The following CDKL1 variants were observed in gnomAD, a reference collection of about 807,000 sequenced individuals.
CDKL1 encodes the protein cyclin-dependent kinase-like 1.
CDKL1 carries 41 observed loss-of-function variants against 42.0 expected under a neutral mutation model. The observed-to-expected ratio is 0.98, with a 90% CI of 0.76 to 1.27. The LOEUF is 1.27. Ranked by LOEUF, CDKL1 falls within the 50% of genes most tolerant of loss-of-function variation. The pLI, the probability that CDKL1 is intolerant of heterozygous loss-of-function variation, is 0.00. For missense variants in CDKL1, 394 were observed against 428.4 expected (o/e 0.92, Z 0.71); for synonymous variants, 153 against 158.6 (o/e 0.96, Z 0.26).
At chr14:50,364,177 C>T (rs528730243) in intron 2 of CDKL1, among the ~76,000 whole-genome samples, 17 of 152,308 alleles carry the variant, frequency 1.1e-4, no homozygotes, top group South Asian at 6.2e-4. Flanking sequence ...CTTTTGAAAA[C>T]CAAAGTTCTT....
At chr14:50,362,019 A>G (rs982705172) in intron 2 of CDKL1, among the ~76,000 whole-genome samples, 3 of 152,166 alleles carry the variant, frequency 2.0e-5, no homozygotes, top group Non-Finnish European at 2.9e-5. Flanking sequence ...CCGGCACTCT[A>G]GCGGCCCCCT....
intron 2 of CDKL1, among the ~76,000 whole-genome samples, chr14:50,390,811 C>G (rs2035235775): frequency 1.3e-5 from 2 of 152,158 alleles, no homozygotes; most frequent in South Asian, 4.2e-4. Flanking sequence ...CTGTGATGCT[C>G]CAGCCCATCA....
At chr14:50,337,710 G>A (rs1291625207) in intron 7 of CDKL1, among the ~76,000 whole-genome samples, 1 of 149,222 alleles carries the variant, frequency 6.7e-6, no homozygotes, top group East Asian at 2.0e-4. Flanking sequence ...TCGGAGACAG[G>A]GTCTTACTCC....
chr14:50,338,982 A>C lies in CDKL1; in HGVS notation c.703T>G (p.Phe235Val), dbSNP rs2033409183. Residue 235 changes from phenylalanine to valine, a missense_variant, in exon 7 of 10, where the codon TTC (phenylalanine) becomes GTC (valine). Coordinates refer to ENST00000395834, the MANE Select transcript of CDKL1 (RefSeq NM_004196.7). Reference sequence around the variant, plus strand: ...GGGTCTGGAATTTTCACTCCACTGAAGTACTGATTCGTGCTAAACACTTGC... The same window carrying C: ...GGGTCTGGAATTTTCACTCCACTGACGTACTGATTCGTGCTAAACACTTGC... ...HQQVFSTNQY[F>V]SGVKIPDPED... 4 of 1,613,100 alleles carry C rather than the reference A, an allele frequency of 2.5e-6. No homozygotes were observed. The East Asian group carries it at 8.9e-5, about 36-fold the overall frequency.
chr14:50,341,344 G>T (rs180791345), intron 5 of CDKL1, 112 bp from the exon 6 acceptor site: 4 of 1,387,100 alleles, frequency 2.9e-6, no homozygotes, highest in Admixed American at 3.1e-5. Flanking sequence ...TTTCTATATC[G>T]CTGGTTCTCA....
chr14:50,350,189 A>AT (rs2033859226), intron 3 of CDKL1, among the ~76,000 whole-genome samples: 3 of 152,136 alleles, frequency 2.0e-5, no homozygotes, highest in Admixed American at 6.5e-5. Context: ...GGGATTATAG[A>AT]CATGAGCCAC....
chr14:50,332,818 C>T (rs995823258), intron 8 of CDKL1: 117 of 637,100 alleles, frequency 1.8e-4, no homozygotes, highest in Non-Finnish European at 2.8e-4. Context: ...ATGATATTTA[C>T]ACATGATAAC....
At position 50,329,062 on chromosome 14, in the gene CDKL1, TACATACAC is replaced by T. The variant is rs1410129530; in HGVS notation, c.*1004_*1011del. The T allele has an allele frequency of 3.5e-5, 5 of 143,978 alleles. No homozygotes were observed. Among genetic ancestry groups the T allele is most frequent in the East Asian group, 2.0e-4 (1 of 4,954 alleles). 8.9% of individuals were successfully genotyped at this position (143,978 alleles called of 1,614,324 possible). A position where few individuals can be genotyped will look rare whatever the true frequency, so the allele number is the denominator to read the frequency against. On this transcript the variant is annotated 3_prime_UTR_variant, in exon 10 of 10. Coordinates refer to ENST00000395834, the MANE Select transcript of CDKL1 (RefSeq NM_004196.7). ...ATATATATATATATATATATATATA[TACATACAC>T]ATACATACACATACAAACATAGTGC...
At chr14:50,381,218 C>T (rs2034897698) in intron 2 of CDKL1, among the ~76,000 whole-genome samples, 1 of 152,202 alleles carries the variant, frequency 6.6e-6, no homozygotes, top group Non-Finnish European at 1.5e-5. Flanking sequence ...CAGTTGTGTA[C>T]ATGTGTCCAG....
intron 2 of CDKL1, among the ~76,000 whole-genome samples, chr14:50,382,280 G>A (rs897724148): frequency 6.6e-6 from 1 of 151,976 alleles, no homozygotes; most frequent in Admixed American, 6.6e-5. Flanking sequence ...GTGGAACCCC[G>A]TCTCTACTAA....
chr14:50,335,377 C>A, intron 7 of CDKL1: 2 of 958,712 alleles, frequency 2.1e-6, no homozygotes, highest in Non-Finnish European at 3.1e-6. Flanking sequence ...TTTTCCCCTA[C>A]CCAGGTGAAC....
intron 3 of CDKL1, among the ~76,000 whole-genome samples, chr14:50,347,537 AAG>A (rs1007861883): frequency 7.2e-5 from 11 of 152,186 alleles, no homozygotes; most frequent in African/African-American, 2.7e-4. Flanking sequence ...ATGTGGGAGA[AAG>A]AGAAGAATCA....
chr14:50,382,737 G>A (rs991025414), intron 2 of CDKL1, among the ~76,000 whole-genome samples: 1 of 151,420 alleles, frequency 6.6e-6, no homozygotes, highest in African/African-American at 2.4e-5. Flanking sequence ...GGGACCACTG[G>A]TGCACACCAC....
At position 50,334,573 on chromosome 14, in the gene CDKL1, G is replaced by T; in HGVS notation, c.787C>A (p.Leu263Ile). 2.5e-6 allele frequency: 4 copies of T among 1,595,432 alleles called. No homozygotes were observed. The highest frequency in any genetic ancestry group is 2.2e-5 in the South Asian group (2 of 90,654). ...GAAGCCATGATTTTTACCTTTAGGA[G>T]CCCCAGGGCAGGATAAGAGATGTTT... Reference protein sequence around the residue: ...FPNISYPALGLLKGCLHMDPT... With the variant: ...FPNISYPALGILKGCLHMDPT... The change falls in exon 8 of 10, where the codon CTC becomes ATC. Residue 263 changes from leucine to isoleucine, a missense_variant. Transcript: ENST00000395834.
chr14:50,344,705 C>T (rs533619536), intron 4 of CDKL1, among the ~76,000 whole-genome samples: 1 of 152,136 alleles, frequency 6.6e-6, no homozygotes, highest in South Asian at 2.1e-4. Context: ...CTCCTGGGCT[C>T]AAGTGATCTG....
At chr14:50,351,701 C>T (rs992173457) in intron 3 of CDKL1, among the ~76,000 whole-genome samples, 6 of 149,640 alleles carry the variant, frequency 4.0e-5, no homozygotes, top group African/African-American at 1.5e-4. Flanking sequence ...GGCCACTGCA[C>T]TCCAGCCTGG....
At chr14:50,363,694 C>T (rs549138375) in intron 2 of CDKL1, among the ~76,000 whole-genome samples, 3 of 152,306 alleles carry the variant, frequency 2.0e-5, no homozygotes, top group South Asian at 2.1e-4. Flanking sequence ...AGTAGAAATG[C>T]ATCAATTCTA....
chr14:50,361,384 C>T lies in CDKL1; in HGVS notation c.169-2235G>A, dbSNP rs553626485. ...CAAGTATAAAAAATTCAAGATATTTCTAAAGCTCATGTCTTATTAGTCCAT... is the reference window on the plus strand; with the variant it reads ...CAAGTATAAAAAATTCAAGATATTTTTAAAGCTCATGTCTTATTAGTCCAT... On this transcript the variant is annotated intron_variant, in intron 2 of 9. Coordinates refer to ENST00000395834, the MANE Select transcript of CDKL1 (RefSeq NM_004196.7). Among the ~76,000 whole-genome samples, 5 of 152,316 alleles carry T rather than the reference C, an allele frequency of 3.3e-5. No individual in the cohort carries two copies. The East Asian group carries it at 9.6e-4, about 29-fold the overall frequency.
chr14:50,389,920 T>C (rs2139545805), intron 2 of CDKL1, among the ~76,000 whole-genome samples: 1 of 152,312 alleles, frequency 6.6e-6, no homozygotes, highest in Non-Finnish European at 1.5e-5. Flanking sequence ...GAACTGTGTC[T>C]GCATTCCAGC....
Sources: gnomAD v4.1 joint callset for allele counts (sites outside exome capture counted in the v4.1 genomes callset) on GRCh38, gnomAD v4.1.1 for gene constraint, MANE v1.5 for transcripts, NCBI Gene and HGNC (gene_info 2026-07-23, HGNC 2026-07-21) for gene names.